CNTN6: variants seen among roughly 807,000 people sequenced by gnomAD.
CNTN6 encodes contactin 6.
Under a neutral mutation model 122.8 loss-of-function variants are expected in CNTN6, and 137 were observed. That is an observed-to-expected ratio of 1.12 (90% CI 0.97 to 1.29). The LOEUF (loss-of-function observed/expected upper bound fraction) is 1.29. CNTN6 is among the 50% of genes most tolerant of loss of function. The pLI is 0.00. For synonymous variants in CNTN6, 570 were observed against 426.0 expected, an observed-to-expected ratio of 1.34 and a Z score of -4.16; for missense variants, 1,634 against 1,223.4, an observed-to-expected ratio of 1.34 and a Z score of -5.01.
intron 4 of CNTN6, among the ~76,000 whole-genome samples, chr3:1,268,576 C>A (rs1213811327): frequency 7.8e-6 from 1 of 129,000 alleles, no homozygotes; most frequent in African/African-American, 3.2e-5. Flanking sequence ...CACTGCACTC[C>A]AGCCTGGGCG....
At chr3:1,302,260 A>T (rs4684113) in intron 7 of CNTN6, among the ~76,000 whole-genome samples, 65,643 of 151,890 alleles carry the variant, frequency 0.43, 17,487 homozygotes, top group East Asian at 0.78. Context: ...TTTTCCCCAA[A>T]TGTGGGGACT....
At chr3:1,094,318 CAT>C (rs1559296577) in intron 1 of CNTN6, among the ~76,000 whole-genome samples, 3 of 152,024 alleles carry the variant, frequency 2.0e-5, no homozygotes, top group Admixed American at 6.6e-5. Flanking sequence ...ACAAAACAAA[CAT>C]AAACATACAA....
At chr3:1,165,509 T>A (rs894678205) in intron 2 of CNTN6, among the ~76,000 whole-genome samples, 1 of 152,138 alleles carries the variant, frequency 6.6e-6, no homozygotes, top group Non-Finnish European at 1.5e-5. Flanking sequence ...TTTTTCAAAC[T>A]TTTTTCCTAC....
chr3:1,217,742 T>A (rs188822072), intron 2 of CNTN6, among the ~76,000 whole-genome samples: 1 of 152,228 alleles, frequency 6.6e-6, no homozygotes, highest in Admixed American at 6.5e-5. Context: ...GTGCCTTCTC[T>A]GGGCTGATAA....
At chr3:1,199,566 C>G (rs1264379576) in intron 2 of CNTN6, among the ~76,000 whole-genome samples, 2 of 151,898 alleles carry the variant, frequency 1.3e-5, no homozygotes, top group Admixed American at 1.3e-4. Flanking sequence ...TTTTAAATGG[C>G]TATTTGAAAT....
At chr3:1,145,800 A>G (rs2092712217) in intron 1 of CNTN6, among the ~76,000 whole-genome samples, 1 of 152,202 alleles carries the variant, frequency 6.6e-6, no homozygotes, top group African/African-American at 2.4e-5. Flanking sequence ...GTCTCCTTGG[A>G]AAAGGAAGAT....
chr3:1,344,920 C>T (rs1704438513), intron 11 of CNTN6, among the ~76,000 whole-genome samples: 1 of 151,944 alleles, frequency 6.6e-6, no homozygotes, highest in Non-Finnish European at 1.5e-5. Context: ...TCCTCTGGTC[C>T]CTCGATCATG....
chr3:1,353,505 A>G (rs1706016260), intron 12 of CNTN6, among the ~76,000 whole-genome samples: 1 of 151,642 alleles, frequency 6.6e-6, no homozygotes, highest in African/African-American at 2.4e-5. Flanking sequence ...AAATCCAACC[A>G]GTATGGCATA....
At chr3:1,312,598 C>A (rs1559791115) in intron 7 of CNTN6, among the ~76,000 whole-genome samples, 1 of 129,032 alleles carries the variant, frequency 7.8e-6, no homozygotes, top group Non-Finnish European at 1.6e-5. Flanking sequence ...CGTGATTTCA[C>A]CTTTTGCCTC....
intron 1 of CNTN6, among the ~76,000 whole-genome samples, chr3:1,117,878 G>C (rs2091789112): frequency 6.6e-6 from 1 of 152,082 alleles, no homozygotes; most frequent in Non-Finnish European, 1.5e-5. Flanking sequence ...ACCTCAGTGG[G>C]TCTACAGAGA....
Position 1,371,540 on chromosome 3 carries a change from G to A in CNTN6, c.1493-759G>A, listed in dbSNP as rs77896485. ...TTATTATAAACGAAGTAGTCATAAC[G>A]ATCTACATTGTGAGTCTCTTTTAAT... On this transcript the variant is annotated intron_variant, in intron 12 of 22. Coordinates refer to ENST00000446702, the MANE Select transcript of CNTN6 (RefSeq NM_001289080.2). Among the ~76,000 whole-genome samples, 892 of 152,068 alleles carry A rather than the reference G, an allele frequency of 5.9e-3. 18 individuals carry two copies. The highest frequency in any genetic ancestry group is 0.02 in the African/African-American group (847 of 41,504).
At chr3:1,317,212 A>T (rs995904097) in intron 7 of CNTN6, among the ~76,000 whole-genome samples, 1 of 151,674 alleles carries the variant, frequency 6.6e-6, no homozygotes, top group Non-Finnish European at 1.5e-5. Context: ...AAAGGTTTTT[A>T]TCATTATTTT....
chr3:1,402,258 G>C (rs904668174), intron 21 of CNTN6, 60 bp from the exon 22 acceptor site: 74 of 1,381,904 alleles, frequency 5.4e-5, no homozygotes, highest in Non-Finnish European at 7.0e-5. Flanking sequence ...TTCCAGAACA[G>C]TTGTGTGAAC....
At chr3:1,101,257 A>G (rs73103475) in intron 1 of CNTN6, among the ~76,000 whole-genome samples, 4,707 of 152,238 alleles carry the variant, frequency 0.031, 249 homozygotes, top group African/African-American at 0.11. Context: ...CAGCTATGTA[A>G]TGCAAAGGAC....
At chr3:1,372,193 G>A (rs1451611214) in intron 12 of CNTN6, 106 bp from the exon 13 acceptor site, 3 of 747,372 alleles carry the variant, frequency 4.0e-6, no homozygotes, top group Non-Finnish European at 6.1e-6. Flanking sequence ...ACTCCAGGTT[G>A]CATTTATATA....
intron 12 of CNTN6, among the ~76,000 whole-genome samples, chr3:1,369,883 T>G (rs1410183011): frequency 7.9e-5 from 12 of 152,136 alleles, no homozygotes; most frequent in South Asian, 6.2e-4. Flanking sequence ...CTTTATTCAT[T>G]TATGTTTTTA....
At chr3:1,124,012 C>A (rs2092062575) in intron 1 of CNTN6, among the ~76,000 whole-genome samples, 1 of 151,894 alleles carries the variant, frequency 6.6e-6, no homozygotes, top group Non-Finnish European at 1.5e-5. Flanking sequence ...TATGTTGAAC[C>A]ACCCCTACAT....
At chr3:1,367,777 C>A (rs551277295) in intron 12 of CNTN6, among the ~76,000 whole-genome samples, 59 of 152,176 alleles carry the variant, frequency 3.9e-4, no homozygotes, top group African/African-American at 1.3e-3. Context: ...ACATCAGAAC[C>A]TGGGCCTCTT....
chr3:1,307,065 T>C (rs1698475526), intron 7 of CNTN6, among the ~76,000 whole-genome samples: 1 of 152,180 alleles, frequency 6.6e-6, no homozygotes, highest in South Asian at 2.1e-4. Flanking sequence ...GACAGACACT[T>C]GGCCCTGGGA....
Sources: allele counts gnomAD v4.1 joint callset (sites outside exome capture counted in the v4.1 genomes callset), GRCh38; gene constraint gnomAD v4.1.1; transcripts MANE v1.5; gene names NCBI Gene and HGNC (gene_info 2026-07-23, HGNC 2026-07-21).